Variants in GNAS observed in about 807,000 individuals in gnomAD.
GNAS encodes the protein protein ALEX.
Under a neutral mutation model 54.5 loss-of-function variants are expected in GNAS, and 8 were observed. That is an observed-to-expected ratio of 0.15 (90% CI 0.09 to 0.26). The LOEUF (loss-of-function observed/expected upper bound fraction) is 0.26. Among genes scored for constraint, GNAS ranks in the 10% least tolerant of loss-of-function variants. The pLI is 1.00. For missense variants in GNAS, 170 were observed against 529.8 expected, an observed-to-expected ratio of 0.32 and a Z score of 6.67; for synonymous variants, 204 against 191.4, an observed-to-expected ratio of 1.07 and a Z score of -0.54.
In GNAS at chr20:58,907,551, A is replaced by T. The variant is rs920628100; in HGVS notation, c.531-1611A>T. On this transcript the variant is annotated intron_variant, in intron 6 of 12. Transcript: ENST00000371085. ...GAATGCTGGGGGGGCAGGGAGACCCAGTTTCGTTAATTAACAGTAGCTTAG... is the reference window on the plus strand; with the variant it reads ...GAATGCTGGGGGGGCAGGGAGACCCTGTTTCGTTAATTAACAGTAGCTTAG... Among the ~76,000 whole-genome samples the T allele has an allele frequency of 1.7e-4, 26 of 152,242 alleles. 1 individual carries two copies. Among genetic ancestry groups the T allele is most frequent in the Admixed American group, 1.6e-3 (24 of 15,286 alleles).
At chr20:58,903,237 G>A (rs907562136) in intron 3 of GNAS, 3 of 506,434 alleles carry the variant, frequency 5.9e-6, no homozygotes, top group Non-Finnish European at 1.1e-5. Flanking sequence ...TATGTAGTGT[G>A]GGGGCTTCAA....
At chr20:58,864,224 C>A (rs1457554861) in intron 1 of GNAS, 1 of 152,168 alleles carries the variant, frequency 6.6e-6, no homozygotes, top group African/African-American at 2.4e-5. Context: ...TAAATAGATA[C>A]CTTTTTTAAA....
chr20:58,852,991 A>C (rs1010531415), intron 1 of GNAS: 5 of 1,251,574 alleles, frequency 4.0e-6, no homozygotes, highest in Non-Finnish European at 5.0e-6. Context: ...AGGATAGACC[A>C]AGGAAGAGGG....
intron 1 of GNAS, among the ~76,000 whole-genome samples, chr20:58,871,125 C>T (rs1367120604): frequency 6.6e-6 from 1 of 152,216 alleles, no homozygotes; most frequent in Non-Finnish European, 1.5e-5. Flanking sequence ...AGTCCTTTCG[C>T]TAGCGGGGAA....
rs1237314465 is a variant in GNAS at position 58,903,591 on chromosome 20, T to C, written c.312+6T>C. The C allele has an allele frequency of 6.2e-7, 1 of 1,613,992 alleles. No individual in the cohort carries two copies. Among genetic ancestry groups the C allele is most frequent in the Non-Finnish European group, 8.5e-7 (1 of 1,179,972 alleles). Reference sequence around the variant, plus strand: ...ACCTGAAAGAGGCGATTGAAGTACGTGCTGGCTCCTTGTGCTGTCTGTCTT... The same window carrying C: ...ACCTGAAAGAGGCGATTGAAGTACGCGCTGGCTCCTTGTGCTGTCTGTCTT... On this transcript the variant is annotated splice_donor_region_variant and intron_variant, in intron 4 of 12. Transcript: ENST00000371085.
At chr20:58,866,374 G>A (rs2087066291) in intron 1 of GNAS, among the ~76,000 whole-genome samples, 1 of 152,216 alleles carries the variant, frequency 6.6e-6, no homozygotes, top group Non-Finnish European at 1.5e-5. Flanking sequence ...TAAGCCAATA[G>A]AAGTAACAAT....
At chr20:58,852,883 A>G in intron 1 of GNAS, 1 of 394,766 alleles carries the variant, frequency 2.5e-6, no homozygotes, top group South Asian at 1.1e-4. Flanking sequence ...TGGCAGAGAG[A>G]GAGCGCTACT....
At chr20:58,894,921 C>T (rs2145991390) in intron 1 of GNAS, among the ~76,000 whole-genome samples, 1 of 152,280 alleles carries the variant, frequency 6.6e-6, no homozygotes, top group South Asian at 2.1e-4. Context: ...CTCCCCTTTT[C>T]CTCAGCAACA....
upstream of GNAS, among the ~76,000 whole-genome samples, chr20:58,891,045 G>A (rs1040900927): frequency 4.6e-5 from 7 of 150,934 alleles, no homozygotes; most frequent in Admixed American, 3.9e-4. Context: ...GGGGTGGAGC[G>A]TTGGCGTCGT....
At chr20:58,840,468 C>T (rs770140447), upstream of GNAS, 5 of 1,613,452 alleles carry the variant, frequency 3.1e-6, no homozygotes, top group Non-Finnish European at 4.2e-6. This position sits in a 1 kb window ranked among gnomAD's most constrained non-coding sequence, Gnocchi z 6.0. Flanking sequence ...GAAATCGAGT[C>T]CGAGACCGAC....
rs1000271340 is a variant in GNAS, at chr20:58,903,012, A to G, written c.258-519A>G. The stretch of plus-strand genomic sequence containing the variant: ...CAGCCTCCCAAAGTGCTGGGATTAC[A>G]GGTGTGAGCCACCGCACCCGGGCTC... On this transcript the variant is annotated intron_variant, in intron 3 of 12. Coordinates refer to ENST00000371085, the MANE Select transcript of GNAS (RefSeq NM_000516.7). 4.3e-5 allele frequency: 10 copies of G among 233,634 alleles called. No individual in the cohort carries two copies. In the South Asian group the frequency reaches 4.6e-4, roughly 11 times the overall value. 14.5% of individuals were successfully genotyped at this position (233,634 alleles called of 1,614,324 possible). A position where few individuals can be genotyped will look rare whatever the true frequency, so the allele number is the denominator to read the frequency against.
At chr20:58,861,379 T>C (rs2086774660) in intron 1 of GNAS, among the ~76,000 whole-genome samples, 2 of 152,212 alleles carry the variant, frequency 1.3e-5, no homozygotes, top group Non-Finnish European at 1.5e-5. Flanking sequence ...GGCAGCCTAA[T>C]TGACCATCTC....
intron 2 of GNAS, among the ~76,000 whole-genome samples, chr20:58,896,089 A>G (rs753575391): frequency 6.2e-4 from 95 of 152,046 alleles, no homozygotes; most frequent in African/African-American, 2.2e-3. Context: ...ATCACTGCAA[A>G]TTCACCCCAC....
In GNAS at chr20:58,891,706, C is replaced by CCCGCCG. The variant is rs745433225; in HGVS notation, c.-6_-1dup. 2,059 of 1,062,800 alleles carry CCCGCCG rather than the reference C, an allele frequency of 1.9e-3. 16 individuals are homozygous for CCCGCCG. In the African/African-American group the frequency reaches 0.029, roughly 15 times the overall value. The allele number at this position is 1,062,800 out of a possible 1,614,324, so 65.8% of individuals were successfully genotyped here. On this transcript the variant is annotated 5_prime_UTR_variant, in exon 1 of 13. Transcript: ENST00000371085. ...CGCCGCCGCCGCAGCCCGGCCGCGC[C>CCCGCCG]CCGCCGCCGCCGCCGCCGCCATGGG...
At chr20:58,899,040 T>C in intron 3 of GNAS, 55 bp downstream of exon 3, 82 of 1,113,014 alleles carry the variant, frequency 7.4e-5, no homozygotes, top group Non-Finnish European at 9.1e-5. Context: ...AACATGAAGA[T>C]CATACTGGGA....
intron 5 of GNAS, among the ~76,000 whole-genome samples, chr20:58,904,284 C>T (rs975684362): frequency 6.6e-6 from 1 of 151,962 alleles, no homozygotes; most frequent in African/African-American, 2.4e-5. Context: ...AAGACATTCT[C>T]ATTTTAAACA....
intron 3 of GNAS, among the ~76,000 whole-genome samples, chr20:58,901,217 C>A (rs572964270): frequency 6.6e-6 from 1 of 152,186 alleles, no homozygotes; most frequent in African/African-American, 2.4e-5. Context: ...ATTCTGAATT[C>A]AAAAGTGAAC....
intron 1 of GNAS, chr20:58,854,291 C>T: frequency 6.2e-7 from 1 of 1,608,402 alleles, no homozygotes; most frequent in Non-Finnish European, 8.5e-7. Flanking sequence ...TCTCCGGAGC[C>T]CCAGATAAGA....
intron 5 of GNAS, among the ~76,000 whole-genome samples, chr20:58,904,294 A>T (rs546092621): frequency 6.6e-6 from 1 of 151,838 alleles, no homozygotes; most frequent in East Asian, 1.9e-4. Context: ...CATTTTAAAC[A>T]GGTGACCTTT....
Sources: allele counts gnomAD v4.1 joint callset (sites outside exome capture counted in the v4.1 genomes callset), GRCh38; gene constraint gnomAD v4.1.1; non-coding constraint Gnocchi (gnomAD v3.1); transcripts MANE v1.5; gene names NCBI Gene and HGNC (gene_info 2026-07-23, HGNC 2026-07-21).